TENM2: variants seen among roughly 807,000 people sequenced by gnomAD.
TENM2 encodes teneurin transmembrane protein 2, also known as teneurin-2.
TENM2 carries 52 observed loss-of-function variants against 245.2 expected under a neutral mutation model. The ratio of observed to expected loss-of-function variants is 0.21; its 90% CI spans 0.17 to 0.27. TENM2 has a LOEUF of 0.27. TENM2 is among the 10% of genes least tolerant of loss of function. TENM2 has a pLI of 1.00. For synonymous variants in TENM2, 1,363 were observed against 1,438.9 expected, an observed-to-expected ratio of 0.95 and a Z score of 1.19; for missense variants, 3,046 against 3,666.8, an observed-to-expected ratio of 0.83 and a Z score of 4.37.
chr5:168,188,249 T>G (rs901485609), intron 13 of TENM2, among the ~76,000 whole-genome samples: 3 of 152,210 alleles, frequency 2.0e-5, no homozygotes, highest in African/African-American at 7.2e-5. Context: ...GGCCTCTGAT[T>G]CAGCGTTCCA....
At chr5:167,422,625 A>G (rs1763578810) in intron 2 of TENM2, among the ~76,000 whole-genome samples, 1 of 152,168 alleles carries the variant, frequency 6.6e-6, no homozygotes, top group African/African-American at 2.4e-5. Flanking sequence ...CCAGGTAAGG[A>G]GAATTGTGAG....
chr5:167,567,404 A>G (rs1256639664), intron 2 of TENM2, among the ~76,000 whole-genome samples: 1 of 152,180 alleles, frequency 6.6e-6, no homozygotes, highest in Non-Finnish European at 1.5e-5. Flanking sequence ...GTTCTTTCAT[A>G]TCATATTCAC....
At chr5:167,134,044 C>T in the TENM2 span, among the ~76,000 whole-genome samples, 2 of 151,962 alleles carry the variant, frequency 1.3e-5, no homozygotes, top group Non-Finnish European at 2.9e-5. Context: ...ATGTAGTTGG[C>T]AAAACATTTA....
intron 2 of TENM2, among the ~76,000 whole-genome samples, chr5:167,427,475 G>T (rs1002318379): frequency 6.7e-6 from 1 of 150,194 alleles, no homozygotes; most frequent in African/African-American, 2.4e-5. Flanking sequence ...GGAAGGAAGG[G>T]AAGGAAGGGA....
chr5:167,773,783 T>G (rs1763556686), intron 2 of TENM2, among the ~76,000 whole-genome samples: 1 of 152,118 alleles, frequency 6.6e-6, no homozygotes. Context: ...TAATAAAGCT[T>G]AGCTTTAATG....
chr5:168,258,164 C>T (rs6878507), intron 27 of TENM2, among the ~76,000 whole-genome samples: 3 of 152,134 alleles, frequency 2.0e-5, no homozygotes, highest in Admixed American at 6.5e-5. Flanking sequence ...TCAAACAAAA[C>T]TTTGTGCAGG....
At chr5:167,050,937 G>A in the TENM2 span, among the ~76,000 whole-genome samples, 2 of 152,100 alleles carry the variant, frequency 1.3e-5, no homozygotes, top group African/African-American at 2.4e-5. Context: ...CAGCCTGGAG[G>A]TGGTTTCAGC....
chr5:167,483,036 A>G (rs549690698), intron 2 of TENM2, among the ~76,000 whole-genome samples: 1 of 152,256 alleles, frequency 6.6e-6, no homozygotes, highest in South Asian at 2.1e-4. Flanking sequence ...CAGCTATACC[A>G]CTTATGGTAT....
the TENM2 span, among the ~76,000 whole-genome samples, chr5:167,144,435 A>G: frequency 6.6e-6 from 1 of 152,170 alleles, no homozygotes; most frequent in Admixed American, 6.5e-5. Context: ...TGTTTTCTTA[A>G]GTTAAATTTC....
intron 2 of TENM2, among the ~76,000 whole-genome samples, chr5:167,517,060 CTT>C (rs377316513): frequency 7.9e-5 from 12 of 152,286 alleles, no homozygotes; most frequent in African/African-American, 2.4e-4. Context: ...TGCCTTCTCT[CTT>C]TGTCAGTGAA....
chr5:168,104,767 G>A (rs966998944), intron 9 of TENM2, among the ~76,000 whole-genome samples: 2 of 152,130 alleles, frequency 1.3e-5, no homozygotes, highest in African/African-American at 4.8e-5. Flanking sequence ...AATCTCGGGG[G>A]CCCTGAGAGG....
At chr5:167,544,535 T>C (rs919956796) in intron 2 of TENM2, among the ~76,000 whole-genome samples, 1 of 152,214 alleles carries the variant, frequency 6.6e-6, no homozygotes, top group African/African-American at 2.4e-5. Context: ...TTTATTCTAT[T>C]ATATCTCTAG....
At chr5:167,188,139 T>C in the TENM2 span, among the ~76,000 whole-genome samples, 1 of 152,192 alleles carries the variant, frequency 6.6e-6, no homozygotes, top group African/African-American at 2.4e-5. Flanking sequence ...TGGTCTCTGC[T>C]GGGTCCCTAA....
chr5:167,933,477 A>G (rs1453220688), intron 3 of TENM2, among the ~76,000 whole-genome samples: 1 of 152,212 alleles, frequency 6.6e-6, no homozygotes, highest in African/African-American at 2.4e-5. Flanking sequence ...ATAGGTTTTC[A>G]GTCATCAATT....
intron 4 of TENM2, among the ~76,000 whole-genome samples, chr5:167,963,008 G>T (rs771785446): frequency 6.6e-6 from 1 of 152,146 alleles, no homozygotes; most frequent in Non-Finnish European, 1.5e-5. Flanking sequence ...AACATGTATT[G>T]TCCCATTAAA....
the TENM2 span, among the ~76,000 whole-genome samples, chr5:167,058,510 G>T: frequency 6.6e-6 from 1 of 152,190 alleles, no homozygotes; most frequent in Non-Finnish European, 1.5e-5. Context: ...TGTTATCCCA[G>T]CACTTTGGGA....
At chr5:167,451,914 G>T (rs1765610464) in intron 2 of TENM2, among the ~76,000 whole-genome samples, 1 of 152,108 alleles carries the variant, frequency 6.6e-6, no homozygotes, top group African/African-American at 2.4e-5. Flanking sequence ...CTCCCAAAGT[G>T]CTGGGATTAC....
chr5:167,724,898 C>T (rs12520148), intron 2 of TENM2, among the ~76,000 whole-genome samples: 24,041 of 152,082 alleles, frequency 0.16, 2,349 homozygotes, highest in East Asian at 0.4. Flanking sequence ...GGCTGGATTA[C>T]GGCAGGTAAG....
intron 2 of TENM2, among the ~76,000 whole-genome samples, chr5:167,763,667 T>C (rs4242227): frequency 0.99 from 150,105 of 152,250 alleles, 74,024 homozygotes; most frequent in Middle Eastern, 1. Context: ...ACCACTTATG[T>C]CTTGAATAAA....
Sources: gnomAD v4.1 joint callset for allele counts (sites outside exome capture counted in the v4.1 genomes callset) on GRCh38, gnomAD v4.1.1 for gene constraint, MANE v1.5 for transcripts, NCBI Gene and HGNC (gene_info 2026-07-23, HGNC 2026-07-21) for gene names.